The following ITPR2 variants were observed in gnomAD, a reference collection of about 807,000 sequenced individuals.
ITPR2 encodes the protein inositol 1,4,5-trisphosphate receptor type 2, also known as inositol 1,4,5-trisphosphate-gated calcium channel ITPR2.
Under a neutral mutation model 317.1 loss-of-function variants are expected in ITPR2, and 207 were observed. The observed-to-expected ratio is 0.65, with a 90% confidence interval of 0.58 to 0.73. The LOEUF (loss-of-function observed/expected upper bound fraction) is 0.73, where lower values mean the gene tolerates loss of function less well. Among genes scored for constraint, ITPR2 ranks in the 30% least tolerant of loss-of-function variants. The probability of loss-of-function intolerance (pLI) is 0.00; values close to 1 mark genes in which losing one functional copy is unlikely to be tolerated. For synonymous variants in ITPR2, 1,156 were observed against 1,149.1 expected, an observed-to-expected ratio of 1.01 and a Z score of -0.12; for missense variants, 2,613 against 3,284.0, an observed-to-expected ratio of 0.80 and a Z score of 4.99.
intron 2 of ITPR2, among the ~76,000 whole-genome samples, chr12:26,729,317 G>T (rs564718746): frequency 1.4e-4 from 22 of 152,230 alleles, no homozygotes; most frequent in African/African-American, 1.9e-4. Context: ...AATAACAGAT[G>T]CTAGTGAGGT....
chr12:26,706,629 G>A (rs1472305006), intron 9 of ITPR2, among the ~76,000 whole-genome samples: 2 of 152,032 alleles, frequency 1.3e-5, no homozygotes, highest in African/African-American at 2.4e-5. Context: ...AGAAAAGTGT[G>A]GGCCACTATT....
intron 45 of ITPR2, among the ~76,000 whole-genome samples, chr12:26,448,178 T>C (rs1207982308): frequency 6.6e-6 from 1 of 152,038 alleles, no homozygotes; most frequent in Non-Finnish European, 1.5e-5. Context: ...AAACTGCTAA[T>C]GAAGATATTC....
At chr12:26,730,595 T>C (rs557725037) in intron 2 of ITPR2, among the ~76,000 whole-genome samples, 1 of 152,302 alleles carries the variant, frequency 6.6e-6, no homozygotes, top group South Asian at 2.1e-4. Context: ...AAGCCAACAA[T>C]TTGCAGAATT....
intron 45 of ITPR2, among the ~76,000 whole-genome samples, chr12:26,444,313 T>C (rs1049317328): frequency 1.3e-5 from 2 of 152,194 alleles, no homozygotes; most frequent in Admixed American, 6.6e-5. Flanking sequence ...TGTAGATTAG[T>C]AATACATGTT....
intron 9 of ITPR2, among the ~76,000 whole-genome samples, chr12:26,702,227 CCTAA>C (rs1168173233): frequency 1.3e-5 from 2 of 152,060 alleles, no homozygotes; most frequent in Non-Finnish European, 2.9e-5. Context: ...CCTCATGCCA[CCTAA>C]CTACATATAT....
At chr12:26,819,161 A>G (rs1950902404) in intron 1 of ITPR2, among the ~76,000 whole-genome samples, 2 of 152,316 alleles carry the variant, frequency 1.3e-5, no homozygotes, top group South Asian at 2.1e-4. Flanking sequence ...GTACATATCT[A>G]TATTTCTCAC....
At chr12:26,481,664 T>C (rs1374226247) in intron 42 of ITPR2, among the ~76,000 whole-genome samples, 1 of 152,232 alleles carries the variant, frequency 6.6e-6, no homozygotes, top group Non-Finnish European at 1.5e-5. Context: ...TACCTGAGAT[T>C]TGTAGGCAAA....
chr12:26,736,178 A>G (rs1285469626), intron 2 of ITPR2, among the ~76,000 whole-genome samples: 1 of 152,068 alleles, frequency 6.6e-6, no homozygotes, highest in Non-Finnish European at 1.5e-5. Flanking sequence ...CAAAATACAA[A>G]CACCTGAGAA....
At chr12:26,705,376 T>C (rs1948531267) in intron 9 of ITPR2, among the ~76,000 whole-genome samples, 1 of 152,206 alleles carries the variant, frequency 6.6e-6, no homozygotes, top group Admixed American at 6.5e-5. Flanking sequence ...TCTCCTTCCT[T>C]GCTTGGTATT....
At chr12:26,709,780 C>T (rs780987145) in intron 9 of ITPR2, among the ~76,000 whole-genome samples, 6 of 152,146 alleles carry the variant, frequency 3.9e-5, no homozygotes, top group South Asian at 2.1e-4. Flanking sequence ...AGACAAGATT[C>T]TCTACCTTAC....
intron 45 of ITPR2, among the ~76,000 whole-genome samples, chr12:26,446,946 A>T (rs1321560687): frequency 6.6e-6 from 1 of 151,954 alleles, no homozygotes; most frequent in East Asian, 1.9e-4. Flanking sequence ...GAGGGTCTTG[A>T]CTCATGAGGC....
chr12:26,554,059 C>T (rs1294558577), intron 36 of ITPR2, among the ~76,000 whole-genome samples: 3 of 152,208 alleles, frequency 2.0e-5, no homozygotes, highest in African/African-American at 7.2e-5. Flanking sequence ...TTCTGCTTCT[C>T]TCCTTTCAGG....
chr12:26,579,235 A>G (rs545377742), intron 33 of ITPR2, among the ~76,000 whole-genome samples: 2 of 152,270 alleles, frequency 1.3e-5, no homozygotes, highest in African/African-American at 4.8e-5. Flanking sequence ...TACAGAAACA[A>G]TTTCCTATGG....
At chr12:26,680,877 C>T (rs1262748562) in intron 13 of ITPR2, among the ~76,000 whole-genome samples, 1 of 152,092 alleles carries the variant, frequency 6.6e-6, no homozygotes, top group East Asian at 1.9e-4. Flanking sequence ...GACAGATGTT[C>T]AAGAATGTTC....
chr12:26,763,329 T>C (rs1949668912), intron 2 of ITPR2, among the ~76,000 whole-genome samples: 1 of 152,004 alleles, frequency 6.6e-6, no homozygotes, highest in African/African-American at 2.4e-5. Flanking sequence ...TAAATAAATG[T>C]AATCAAAGGC....
chr12:26,757,397 G>A (rs1322613477), intron 2 of ITPR2, among the ~76,000 whole-genome samples: 1 of 151,982 alleles, frequency 6.6e-6, no homozygotes, highest in African/African-American at 2.4e-5. Flanking sequence ...TGTATTTTTA[G>A]GACAGACAGG....
chr12:26,808,383 A>T (rs1293426514), intron 1 of ITPR2, among the ~76,000 whole-genome samples: 1 of 152,232 alleles, frequency 6.6e-6, no homozygotes, highest in Non-Finnish European at 1.5e-5. Flanking sequence ...AAGTACAAGT[A>T]ACCAAAAAAA....
At chr12:26,608,520 T>C (rs7305158) in intron 26 of ITPR2, among the ~76,000 whole-genome samples, 2 of 127,480 alleles carry the variant, frequency 1.6e-5, no homozygotes, top group African/African-American at 2.8e-5. Flanking sequence ...ACCCCTCTGC[T>C]TGGCCGCCCC....
intron 37 of ITPR2, among the ~76,000 whole-genome samples, chr12:26,539,940 T>G (rs933213915): frequency 3.3e-5 from 5 of 152,260 alleles, no homozygotes; most frequent in African/African-American, 1.2e-4. Context: ...ATCTACTATG[T>G]GTCAATCTGT....
Sources: gnomAD v4.1 joint callset for allele counts (sites outside exome capture counted in the v4.1 genomes callset) on GRCh38, gnomAD v4.1.1 for gene constraint, MANE v1.5 for transcripts, NCBI Gene and HGNC (gene_info 2026-07-23, HGNC 2026-07-21) for gene names.